The following PPP4R3B variants were observed in gnomAD, a reference collection of about 807,000 sequenced individuals.
PPP4R3B encodes protein phosphatase 4 regulatory subunit 3B.
PPP4R3B carries 52 observed loss-of-function variants against 95.4 expected under a neutral mutation model. The ratio of observed to expected loss-of-function variants is 0.54; its 90% CI spans 0.44 to 0.69. PPP4R3B has a LOEUF of 0.69. PPP4R3B is among the 30% of genes least tolerant of loss of function. PPP4R3B has a pLI of 0.00. For synonymous variants in PPP4R3B, 407 were observed against 343.9 expected (o/e 1.18, Z -2.03); for missense variants, 1,003 against 1,005.9 (o/e 1.00, Z 0.04).
intron 12 of PPP4R3B, among the ~76,000 whole-genome samples, chr2:55,572,901 C>T (rs1033409273): frequency 6.6e-6 from 1 of 151,974 alleles, no homozygotes; most frequent in Non-Finnish European, 1.5e-5. Context: ...TTAGTCTATA[C>T]AATATTGATT....
chr2:55,579,356 T>C (rs1689126856), intron 9 of PPP4R3B, among the ~76,000 whole-genome samples: 1 of 152,060 alleles, frequency 6.6e-6, no homozygotes, highest in African/African-American at 2.4e-5. Context: ...TTTCTTTTGA[T>C]AAGTGTCTAC....
At chr2:55,564,777 T>C (rs190647695) in intron 14 of PPP4R3B, 125 bp downstream of exon 14, 1 of 1,140,184 alleles carries the variant, frequency 8.8e-7, no homozygotes, top group East Asian at 2.5e-5. Context: ...TACCCTCCTA[T>C]TCAACTCTAT....
chr2:55,585,478 G>A (rs1690016359), intron 6 of PPP4R3B, among the ~76,000 whole-genome samples: 1 of 152,000 alleles, frequency 6.6e-6, no homozygotes, highest in Admixed American at 6.6e-5. Flanking sequence ...TATGGGAAGG[G>A]GATTTATTTA....
At chr2:55,578,220 G>C in intron 10 of PPP4R3B, 27 bp downstream of exon 10, 1 of 1,381,592 alleles carries the variant, frequency 7.2e-7, no homozygotes, top group Non-Finnish European at 9.4e-7. Context: ...GTAAATATAG[G>C]AGTGATACAC....
intron 3 of PPP4R3B, among the ~76,000 whole-genome samples, chr2:55,600,646 A>G (rs2103699096): frequency 6.6e-6 from 1 of 151,822 alleles, no homozygotes; most frequent in East Asian, 1.9e-4. Context: ...ACAGATTTTA[A>G]GAAGTAGAGT....
chr2:55,604,003 T>C lies in PPP4R3B; in HGVS notation c.272A>G (p.Asp91Gly). Residue 91 changes from aspartate (D) to glycine (G), a missense_variant, in exon 3 of 17, where the codon GAT (aspartate) becomes GGT (glycine). Asp to Gly is a moderately conservative substitution (Grantham distance 94). Transcript: ENST00000616407. Reference protein sequence around the residue: ...ALSFQEKAGCDEIWEKICQVQ... With the variant: ...ALSFQEKAGCGEIWEKICQVQ... Reference sequence around the variant, plus strand: ...CTGACAAATTTTTTCCCAGATCTCATCACAGCCAGCTTTCTCCTGAAAACT... The same window carrying C: ...CTGACAAATTTTTTCCCAGATCTCACCACAGCCAGCTTTCTCCTGAAAACT... The C allele has an allele frequency of 6.2e-7, 1 of 1,610,800 alleles. No individual in the cohort carries two copies.
chr2:55,584,828 T>C (rs1689923301), intron 7 of PPP4R3B, among the ~76,000 whole-genome samples: 1 of 152,226 alleles, frequency 6.6e-6, no homozygotes, highest in African/African-American at 2.4e-5. Flanking sequence ...TATTATAATC[T>C]ATTTATCTCA....
At chr2:55,599,101 A>C (rs1692206217) in intron 3 of PPP4R3B, 62 bp from the exon 4 acceptor site, 4 of 1,430,110 alleles carry the variant, frequency 2.8e-6, no homozygotes, top group South Asian at 1.4e-5. Context: ...AAATTTTGGA[A>C]ATCAAATCAT....
At chr2:55,594,172 A>G (rs1691434146) in intron 4 of PPP4R3B, among the ~76,000 whole-genome samples, 1 of 152,132 alleles carries the variant, frequency 6.6e-6, no homozygotes, top group African/African-American at 2.4e-5. Flanking sequence ...AGAGGACTGA[A>G]GGTTTAAAAA....
At chr2:55,604,235 C>T (rs1343891451) in intron 2 of PPP4R3B, among the ~76,000 whole-genome samples, 159 bp from the exon 3 acceptor site, 1 of 152,126 alleles carries the variant, frequency 6.6e-6, no homozygotes, top group East Asian at 1.9e-4. Flanking sequence ...AATATATTGG[C>T]AATACAATAG....
chr2:55,561,217 C>T (rs868042174), intron 15 of PPP4R3B, among the ~76,000 whole-genome samples: 35 of 152,108 alleles, frequency 2.3e-4, no homozygotes, highest in African/African-American at 6.3e-4. Context: ...CCATGTGACA[C>T]GGGGCCTGTG....
At chr2:55,588,847 T>A (rs368429754) in intron 5 of PPP4R3B, 32 bp downstream of exon 5, 1 of 1,447,452 alleles carries the variant, frequency 6.9e-7, no homozygotes, top group Non-Finnish European at 9.5e-7. Context: ...AAAGAATAAG[T>A]GCTCTTTAAG....
At chr2:55,600,286 C>A (rs1177699060) in intron 3 of PPP4R3B, among the ~76,000 whole-genome samples, 1 of 151,882 alleles carries the variant, frequency 6.6e-6, no homozygotes, top group Non-Finnish European at 1.5e-5. Flanking sequence ...ATTAGCTGGG[C>A]GTGGTGGCGC....
rs543866896 is a variant in PPP4R3B, at chr2:55,617,576, C to T, written c.-291G>A. The stretch of plus-strand genomic sequence containing the variant: ...TGCTCTCCCGCCGCCGCGGTAACTA[C>T]TACAGATCCGCCATCTTGTAACCCG... On this transcript the variant is annotated 5_prime_UTR_variant, in exon 1 of 17. It removes the in-frame stop codon of an upstream open reading frame in the 5' UTR. Transcript: ENST00000616407. The T allele has an allele frequency of 6.2e-6, 2 of 324,612 alleles. No individual in the cohort carries two copies. Among genetic ancestry groups the T allele is most frequent in the Middle Eastern group, 1.7e-3 (2 of 1,158 alleles). 20.1% of individuals were successfully genotyped at this position (324,612 alleles called of 1,614,324 possible). A position where few individuals can be genotyped will look rare whatever the true frequency, so the allele number is the denominator to read the frequency against.
chr2:55,571,493 T>C (rs1007381840), intron 12 of PPP4R3B, among the ~76,000 whole-genome samples: 1 of 152,076 alleles, frequency 6.6e-6, no homozygotes, highest in African/African-American at 2.4e-5. Flanking sequence ...CAACCAGTTA[T>C]CATGAAAGAA....
intron 15 of PPP4R3B, 90 bp downstream of exon 15, chr2:55,564,223 G>A (rs1037946050): frequency 8.3e-7 from 1 of 1,200,540 alleles, no homozygotes; most frequent in African/African-American, 1.6e-5. Flanking sequence ...TTCTTGCTTT[G>A]TAAACTATAA....
chr2:55,570,658 T>C (rs1687884174), intron 12 of PPP4R3B, among the ~76,000 whole-genome samples: 1 of 152,232 alleles, frequency 6.6e-6, no homozygotes, highest in African/African-American at 2.4e-5. Flanking sequence ...ATAAGTCATT[T>C]TCTCATTCCA....
chr2:55,610,095 C>G (rs1234399398), intron 2 of PPP4R3B, among the ~76,000 whole-genome samples: 1 of 152,170 alleles, frequency 6.6e-6, no homozygotes, highest in Non-Finnish European at 1.5e-5. Flanking sequence ...GACTCAAAAA[C>G]ACTATCAGTG....
At chr2:55,609,221 T>C (rs922527854) in intron 2 of PPP4R3B, among the ~76,000 whole-genome samples, 20 of 152,160 alleles carry the variant, frequency 1.3e-4, no homozygotes, top group African/African-American at 3.6e-4. Flanking sequence ...TTCACAGGTG[T>C]GATCATCACG....
Sources: allele counts gnomAD v4.1 joint callset (sites outside exome capture counted in the v4.1 genomes callset), GRCh38; gene constraint gnomAD v4.1.1; transcripts MANE v1.5; gene names NCBI Gene and HGNC (gene_info 2026-07-23, HGNC 2026-07-21).